CDYL: variants seen among roughly 807,000 people sequenced by gnomAD.
CDYL encodes the protein chromodomain Y like.
CDYL carries 8 observed loss-of-function variants against 47.3 expected under a neutral mutation model. That is an observed-to-expected ratio of 0.17 (90% CI 0.10 to 0.31). The LOEUF is 0.31. Ranked by LOEUF, CDYL falls within the 10% of genes least tolerant of loss-of-function variation. CDYL has a pLI of 1.00. For synonymous variants in CDYL, 266 were observed against 265.0 expected, an observed-to-expected ratio of 1.00 and a Z score of -0.04; for missense variants, 471 against 701.4, an observed-to-expected ratio of 0.67 and a Z score of 3.71.
intron 1 of CDYL, among the ~76,000 whole-genome samples, chr6:4,858,047 C>T (rs538324551): frequency 6.5e-5 from 9 of 138,512 alleles, no homozygotes; most frequent in Non-Finnish European, 1.2e-4. Context: ...CGCACTAGTT[C>T]AAGGCTCTGC....
intron 2 of CDYL, among the ~76,000 whole-genome samples, chr6:4,911,511 A>G (rs1314521219): frequency 6.6e-6 from 1 of 152,184 alleles, no homozygotes; most frequent in Admixed American, 6.5e-5. Flanking sequence ...CACTTTCTTC[A>G]CAATTGATAC....
At chr6:4,744,012 A>C (rs972299013) in intron 3 of CDYL, among the ~76,000 whole-genome samples, 1 of 152,196 alleles carries the variant, frequency 6.6e-6, no homozygotes, top group Non-Finnish European at 1.5e-5. Context: ...GTAGTTTCTC[A>C]TAAGGAGGGA....
chr6:4,844,771 G>C (rs1159314372), intron 1 of CDYL, among the ~76,000 whole-genome samples: 4 of 152,002 alleles, frequency 2.6e-5, no homozygotes. Flanking sequence ...TAGCTTATGA[G>C]TTCAGAGCAA....
chr6:4,834,698 C>G (rs1188393601), intron 1 of CDYL, among the ~76,000 whole-genome samples: 3 of 152,220 alleles, frequency 2.0e-5, no homozygotes, highest in Admixed American at 2.0e-4. Context: ...CTCCCTGTCA[C>G]TTTCAGGTAC....
At chr6:4,740,284 T>G (rs1288137875) in intron 3 of CDYL, among the ~76,000 whole-genome samples, 1 of 152,218 alleles carries the variant, frequency 6.6e-6, no homozygotes, top group Non-Finnish European at 1.5e-5. Context: ...GTGTGAGCCT[T>G]GAGCCTCATG....
At chr6:4,883,823 C>T (rs1761827295) in intron 1 of CDYL, among the ~76,000 whole-genome samples, 1 of 152,156 alleles carries the variant, frequency 6.6e-6, no homozygotes, top group Non-Finnish European at 1.5e-5. Flanking sequence ...TTGTCTTCCT[C>T]CTAGAAGCAT....
chr6:4,788,602 A>AGG (rs1758826191), intron 1 of CDYL, among the ~76,000 whole-genome samples: 1 of 151,858 alleles, frequency 6.6e-6, no homozygotes, highest in African/African-American at 2.4e-5. Flanking sequence ...TAGGCCCTGA[A>AGG]GGTGGGTCAG....
At chr6:4,885,714 G>T (rs143356878) in intron 1 of CDYL, among the ~76,000 whole-genome samples, 1 of 152,206 alleles carries the variant, frequency 6.6e-6, no homozygotes, top group Non-Finnish European at 1.5e-5. Context: ...TTCTGAAAGT[G>T]TCTTTATTTC....
intron 3 of CDYL, 102 bp from the exon 4 acceptor site, chr6:4,937,463 G>T: frequency 1.1e-6 from 1 of 921,844 alleles, no homozygotes; most frequent in Non-Finnish European, 1.5e-6. Flanking sequence ...ACCACTGCAC[G>T]CCAACCTGAG....
At chr6:4,749,846 G>A (rs948031887) in intron 3 of CDYL, among the ~76,000 whole-genome samples, 10 of 152,130 alleles carry the variant, frequency 6.6e-5, no homozygotes, top group Admixed American at 2.0e-4. Context: ...GGTCCCCTTC[G>A]AGAGTGAAAG....
chr6:4,947,109 C>G (rs891744099), intron 5 of CDYL, among the ~76,000 whole-genome samples: 2 of 152,256 alleles, frequency 1.3e-5, no homozygotes, highest in Non-Finnish European at 2.9e-5. Flanking sequence ...CTCCCACCTG[C>G]ACCCTTGGCT....
intron 1 of CDYL, among the ~76,000 whole-genome samples, chr6:4,785,042 G>A (rs1053922293): frequency 2.6e-5 from 4 of 152,142 alleles, no homozygotes; most frequent in East Asian, 1.9e-4. Context: ...ACCCGGTCTC[G>A]GGTATGTCTT....
intron 1 of CDYL, among the ~76,000 whole-genome samples, chr6:4,816,869 T>C (rs566556306): frequency 6.6e-6 from 1 of 152,262 alleles, no homozygotes; most frequent in East Asian, 1.9e-4. Flanking sequence ...CTGACACCTA[T>C]GTGTTTTAGC....
chr6:4,713,664 T>G (rs1053911258), intron 1 of CDYL, among the ~76,000 whole-genome samples: 1 of 151,308 alleles, frequency 6.6e-6, no homozygotes, highest in African/African-American at 2.4e-5. Context: ...CTCAGCTCAC[T>G]GCAGCCTCTG....
intron 1 of CDYL, among the ~76,000 whole-genome samples, chr6:4,825,077 G>T (rs1759941139): frequency 6.6e-6 from 1 of 152,098 alleles, no homozygotes; most frequent in African/African-American, 2.4e-5. Context: ...TACCATGTTG[G>T]TCAGGCTGTT....
intron 1 of CDYL, among the ~76,000 whole-genome samples, chr6:4,882,411 C>G (rs975552552): frequency 6.6e-6 from 1 of 152,076 alleles, no homozygotes; most frequent in Non-Finnish European, 1.5e-5. Flanking sequence ...ACACAGCTGC[C>G]CAAACAATGC....
intron 1 of CDYL, among the ~76,000 whole-genome samples, chr6:4,819,855 G>A (rs116344216): frequency 0.033 from 5,069 of 152,236 alleles, 285 homozygotes; most frequent in African/African-American, 0.11. Flanking sequence ...GCCATGCATA[G>A]GATGGCCCCA....
At chr6:4,832,782 A>G (rs1234938739) in intron 1 of CDYL, among the ~76,000 whole-genome samples, 3 of 146,214 alleles carry the variant, frequency 2.1e-5, no homozygotes, top group South Asian at 4.4e-4. Context: ...CAGAGATTCA[A>G]CTTCTTCCTG....
At chr6:4,754,287 GAGGC>G in intron 3 of CDYL, among the ~76,000 whole-genome samples, 1 of 152,296 alleles carries the variant, frequency 6.6e-6, no homozygotes, top group South Asian at 2.1e-4. Context: ...TGATTTTTCA[GAGGC>G]ATGTGTTAAG....
Sources: gnomAD v4.1 joint callset for allele counts (sites outside exome capture counted in the v4.1 genomes callset) on GRCh38, gnomAD v4.1.1 for gene constraint, MANE v1.5 for transcripts, NCBI Gene and HGNC (gene_info 2026-07-23, HGNC 2026-07-21) for gene names.